Variants in PARD3B observed in about 807,000 individuals in gnomAD.
The protein encoded by PARD3B is partitioning defective 3 homolog B.
PARD3B carries 103 observed loss-of-function variants against 130.2 expected under a neutral mutation model. That is an observed-to-expected ratio of 0.79 (90% CI 0.67 to 0.93). The LOEUF is 0.93. PARD3B is among the 40% of genes least tolerant of loss of function. The probability of loss-of-function intolerance (pLI) is 0.00; values close to 1 mark genes in which losing one functional copy is unlikely to be tolerated. For synonymous variants in PARD3B, 583 were observed against 553.2 expected (o/e 1.05, Z -0.76); for missense variants, 1,609 against 1,499.2 (o/e 1.07, Z -1.21).
At position 204,612,332 on chromosome 2, in the gene PARD3B, A is replaced by G. The variant is rs566140840; in HGVS notation, c.120+66213A>G. 3.9e-4 allele frequency among the ~76,000 whole-genome samples: 60 copies of G among 152,330 alleles called. No individual in the cohort carries two copies. In the South Asian group the frequency reaches 0.011, roughly 27 times the overall value. On this transcript the variant is annotated intron_variant, in intron 1 of 22. Coordinates refer to ENST00000406610, the MANE Select transcript of PARD3B (RefSeq NM_001302769.2). ...TAAGCAACAGGAACAACAACAAACC[A>G]TATAGCCCAAGGAGTATAGACCTGT... is the stretch of plus-strand genomic sequence containing the variant.
intron 2 of PARD3B, among the ~76,000 whole-genome samples, chr2:204,710,634 T>C (rs910556095): frequency 6.6e-6 from 1 of 152,208 alleles, no homozygotes; most frequent in Non-Finnish European, 1.5e-5. Context: ...CCTTTTCTCC[T>C]TCATATTCTC....
intron 22 of PARD3B, among the ~76,000 whole-genome samples, chr2:205,580,860 A>G (rs146749030): frequency 6.6e-6 from 1 of 152,314 alleles, no homozygotes; most frequent in Non-Finnish European, 1.5e-5. Flanking sequence ...TGAAACAATA[A>G]TTAGAATAGC....
At chr2:205,483,796 T>C (rs767704602) in intron 20 of PARD3B, among the ~76,000 whole-genome samples, 7 of 152,194 alleles carry the variant, frequency 4.6e-5, no homozygotes, top group Non-Finnish European at 8.8e-5. Context: ...ATTTAAACCT[T>C]GAGGCTTATA....
At chr2:205,277,579 A>G (rs2040999363) in intron 16 of PARD3B, among the ~76,000 whole-genome samples, 1 of 152,198 alleles carries the variant, frequency 6.6e-6, no homozygotes, top group South Asian at 2.1e-4. Context: ...TGTCTAAAAA[A>G]TGGCCAGTAA....
At chr2:205,010,797 G>A (rs1178834160) in intron 3 of PARD3B, among the ~76,000 whole-genome samples, 2 of 152,130 alleles carry the variant, frequency 1.3e-5, no homozygotes, top group Non-Finnish European at 1.5e-5. Context: ...AAAATTCAGA[G>A]TGGTGTGCTT....
intron 4 of PARD3B, among the ~76,000 whole-genome samples, chr2:205,055,814 A>G (rs2125438500): frequency 6.6e-6 from 1 of 152,286 alleles, no homozygotes; most frequent in South Asian, 2.1e-4. Flanking sequence ...CAAAACACCA[A>G]TAATCATTTT....
intron 1 of PARD3B, among the ~76,000 whole-genome samples, chr2:204,656,361 AAAACAAACAAAC>A (rs3036351): frequency 1.3e-5 from 2 of 151,438 alleles, no homozygotes; most frequent in Admixed American, 6.6e-5. Context: ...TACATGATAG[AAAACAAACAAAC>A]AAACAAACAA....
At chr2:204,826,721 T>C (rs924694620) in intron 2 of PARD3B, among the ~76,000 whole-genome samples, 1 of 152,204 alleles carries the variant, frequency 6.6e-6, no homozygotes, top group African/African-American at 2.4e-5. Flanking sequence ...TTTTGTTTAC[T>C]TGAAAGTTGC....
At chr2:204,727,102 C>G (rs897387579) in intron 2 of PARD3B, among the ~76,000 whole-genome samples, 2 of 151,936 alleles carry the variant, frequency 1.3e-5, no homozygotes, top group Non-Finnish European at 2.9e-5. Flanking sequence ...AAGAAAAATA[C>G]TGCATGCAAT....
At chr2:205,425,744 A>G (rs572932811) in intron 19 of PARD3B, among the ~76,000 whole-genome samples, 14 of 152,224 alleles carry the variant, frequency 9.2e-5, no homozygotes, top group Admixed American at 6.5e-4. Context: ...TACTGCCTTG[A>G]CTTACTTTAA....
At chr2:204,954,911 A>T (rs1690106253) in intron 2 of PARD3B, among the ~76,000 whole-genome samples, 1 of 152,222 alleles carries the variant, frequency 6.6e-6, no homozygotes, top group Non-Finnish European at 1.5e-5. Context: ...CTTTGTCACC[A>T]TTCTCTGCAG....
chr2:204,885,312 T>C (rs1173189497), intron 2 of PARD3B, among the ~76,000 whole-genome samples: 1 of 152,232 alleles, frequency 6.6e-6, no homozygotes, highest in Admixed American at 6.5e-5. Context: ...TTTGCCCACT[T>C]TTTAATGGGG....
chr2:204,709,674 A>G (rs569869964), intron 2 of PARD3B, among the ~76,000 whole-genome samples: 2 of 152,242 alleles, frequency 1.3e-5, no homozygotes, highest in South Asian at 2.1e-4. Flanking sequence ...ATACATGTCT[A>G]TATAGGTTAG....
At chr2:204,883,455 A>ATATTTTTTT (rs1377428928) in intron 2 of PARD3B, among the ~76,000 whole-genome samples, 32 of 77,268 alleles carry the variant, frequency 4.1e-4, no homozygotes, top group African/African-American at 1.6e-3. Context: ...ATATATATAT[A>ATATTTTTTT]TTTTTTTTTT....
chr2:204,857,553 AC>A (rs1343835385), intron 2 of PARD3B, among the ~76,000 whole-genome samples: 1 of 152,178 alleles, frequency 6.6e-6, no homozygotes, highest in Non-Finnish European at 1.5e-5. Flanking sequence ...AAACAGAGAG[AC>A]CTGTGTATTT....
At chr2:204,751,071 A>G (rs2040447892) in intron 2 of PARD3B, among the ~76,000 whole-genome samples, 2 of 152,168 alleles carry the variant, frequency 1.3e-5, no homozygotes. Flanking sequence ...GAGCTTTATT[A>G]AAACTGCTAC....
Position 205,476,866 on chromosome 2 carries a change from G to A in PARD3B, c.3045-23030G>A, listed in dbSNP as rs117867835. Among the ~76,000 whole-genome samples the A allele has an allele frequency of 4.9e-4, 75 of 152,210 alleles. No homozygotes were observed. In the East Asian group the frequency reaches 0.011, roughly 22 times the overall value. On this transcript the variant is annotated intron_variant, in intron 20 of 22. Transcript: ENST00000406610. ...TTTCTTCATGTGTGTATGTGTATGCGTGTGTGTATATTTACAGCATTGACA... is the reference window on the plus strand; with the variant it reads ...TTTCTTCATGTGTGTATGTGTATGCATGTGTGTATATTTACAGCATTGACA...
At chr2:205,238,224 A>G (rs1437861512) in intron 15 of PARD3B, among the ~76,000 whole-genome samples, 1 of 152,228 alleles carries the variant, frequency 6.6e-6, no homozygotes, top group Non-Finnish European at 1.5e-5. Context: ...ACCCGTGCAC[A>G]AATAATTGAG....
At chr2:204,570,100 C>T (rs1160264514) in intron 1 of PARD3B, among the ~76,000 whole-genome samples, 2 of 152,038 alleles carry the variant, frequency 1.3e-5, no homozygotes, top group African/African-American at 2.4e-5. Flanking sequence ...ATTGGGGCCT[C>T]CTTTGTGAAG....
Sources: gnomAD v4.1 joint callset for allele counts (sites outside exome capture counted in the v4.1 genomes callset) on GRCh38, gnomAD v4.1.1 for gene constraint, MANE v1.5 for transcripts, NCBI Gene and HGNC (gene_info 2026-07-23, HGNC 2026-07-21) for gene names.